The following FAM135A variants were observed in gnomAD, a reference collection of about 807,000 sequenced individuals.
The protein encoded by FAM135A is protein FAM135A.
A neutral mutation model predicts 146.8 loss-of-function variants in FAM135A; 79 were observed. That is an observed-to-expected ratio of 0.54 (90% CI 0.45 to 0.65). The LOEUF (loss-of-function observed/expected upper bound fraction) is 0.65. FAM135A is among the 30% of genes least tolerant of loss of function. FAM135A has a pLI of 0.00. For synonymous variants in FAM135A, 562 were observed against 603.6 expected (o/e 0.93, Z 1.01); for missense variants, 1,623 against 1,758.2 (o/e 0.92, Z 1.38).
intron 5 of FAM135A, among the ~76,000 whole-genome samples, chr6:70,469,688 T>C (rs1483940992): frequency 1.3e-5 from 2 of 152,088 alleles, no homozygotes; most frequent in Non-Finnish European, 2.9e-5. Context: ...CACTGCACTA[T>C]GCTGCTTCTT....
chr6:70,462,430 C>G (rs1326133836), intron 5 of FAM135A, among the ~76,000 whole-genome samples: 1 of 151,998 alleles, frequency 6.6e-6, no homozygotes, highest in Non-Finnish European at 1.5e-5. Flanking sequence ...TTCCATAAAG[C>G]ACAGTGCCCA....
chr6:70,490,829 TAAA>T (rs1476580484), intron 10 of FAM135A, among the ~76,000 whole-genome samples: 1 of 151,944 alleles, frequency 6.6e-6, no homozygotes, highest in African/African-American at 2.4e-5. Flanking sequence ...TTGTGAAAAA[TAAA>T]AAATGATATT....
At chr6:70,553,123 A>G (rs1800157416) in intron 20 of FAM135A, among the ~76,000 whole-genome samples, 2 of 152,168 alleles carry the variant, frequency 1.3e-5, no homozygotes, top group African/African-American at 4.8e-5. Context: ...GGAAGCCATT[A>G]TTAGATAAAC....
intron 4 of FAM135A, among the ~76,000 whole-genome samples, chr6:70,438,985 C>G (rs780565935): frequency 6.6e-6 from 1 of 152,034 alleles, no homozygotes; most frequent in Non-Finnish European, 1.5e-5. Flanking sequence ...TATAGTGAGG[C>G]CCTATCTACC....
chr6:70,553,765 T>A (rs1410494662), intron 20 of FAM135A, among the ~76,000 whole-genome samples: 1 of 152,066 alleles, frequency 6.6e-6, no homozygotes, highest in East Asian at 1.9e-4. Context: ...GAAAGAAACA[T>A]ATAAAATAAA....
intron 4 of FAM135A, among the ~76,000 whole-genome samples, chr6:70,448,380 A>G (rs1776289803): frequency 6.6e-6 from 1 of 152,184 alleles, no homozygotes; most frequent in Admixed American, 6.5e-5. Flanking sequence ...GGAACGAACC[A>G]GAGCCCACAC....
intron 12 of FAM135A, among the ~76,000 whole-genome samples, chr6:70,516,234 A>G (rs1792179101): frequency 6.6e-6 from 1 of 152,200 alleles, no homozygotes. Flanking sequence ...AATGAGGTCC[A>G]GACCTAGGGA....
At chr6:70,515,063 T>C (rs1791892910) in intron 12 of FAM135A, among the ~76,000 whole-genome samples, 1 of 152,104 alleles carries the variant, frequency 6.6e-6, no homozygotes, top group African/African-American at 2.4e-5. Context: ...CAAAACAAGA[T>C]AACCACCGTA....
chr6:70,554,696 C>T (rs1455627770), intron 20 of FAM135A, among the ~76,000 whole-genome samples: 1 of 152,002 alleles, frequency 6.6e-6, no homozygotes, highest in East Asian at 1.9e-4. Context: ...GGCACAATAT[C>T]AGCTCACTGC....
At chr6:70,543,092 C>T (rs1798231278) in intron 20 of FAM135A, among the ~76,000 whole-genome samples, 1 of 151,926 alleles carries the variant, frequency 6.6e-6, no homozygotes, top group Non-Finnish European at 1.5e-5. Flanking sequence ...TAGTGTACAC[C>T]GATTGAATTA....
At chr6:70,443,723 T>C (rs1246581445) in intron 4 of FAM135A, among the ~76,000 whole-genome samples, 1 of 152,246 alleles carries the variant, frequency 6.6e-6, no homozygotes, top group East Asian at 1.9e-4. Context: ...TGCATTTCTT[T>C]TTCTGTAAAC....
intron 11 of FAM135A, among the ~76,000 whole-genome samples, chr6:70,499,266 A>T (rs1378728957): frequency 6.6e-6 from 1 of 152,180 alleles, no homozygotes; most frequent in Non-Finnish European, 1.5e-5. Flanking sequence ...GTTGGTTTAC[A>T]GTCTGTTTTA....
intron 4 of FAM135A, among the ~76,000 whole-genome samples, chr6:70,439,028 T>C (rs1210145196): frequency 6.6e-6 from 1 of 151,970 alleles, no homozygotes; most frequent in Non-Finnish European, 1.5e-5. Context: ...AACAGCTAGC[T>C]GGACATGGTG....
At chr6:70,516,526 T>TTTTC (rs1302502932) in intron 12 of FAM135A, among the ~76,000 whole-genome samples, 2 of 145,318 alleles carry the variant, frequency 1.4e-5, no homozygotes, top group African/African-American at 5.3e-5. Flanking sequence ...TAGTATTTTC[T>TTTTC]TTTCTTTTTT....
At chr6:70,549,649 T>C (rs1375745385) in intron 20 of FAM135A, among the ~76,000 whole-genome samples, 1 of 152,338 alleles carries the variant, frequency 6.6e-6, no homozygotes, top group South Asian at 2.1e-4. Context: ...TAAAATACTT[T>C]ATTGTTAAAA....
At chr6:70,550,903 C>T (rs764703856) in intron 20 of FAM135A, among the ~76,000 whole-genome samples, 18 of 152,220 alleles carry the variant, frequency 1.2e-4, no homozygotes, top group Non-Finnish European at 2.5e-4. Flanking sequence ...CATAGCTTCT[C>T]CATCAGCACT....
intron 3 of FAM135A, among the ~76,000 whole-genome samples, chr6:70,428,065 G>T (rs940191528): frequency 6.6e-6 from 1 of 152,106 alleles, no homozygotes; most frequent in East Asian, 1.9e-4. Flanking sequence ...GTCATCAAGG[G>T]TAACAAATCT....
intron 5 of FAM135A, among the ~76,000 whole-genome samples, chr6:70,460,305 AT>A (rs1317796803): frequency 6.6e-6 from 1 of 152,134 alleles, no homozygotes; most frequent in Non-Finnish European, 1.5e-5. Flanking sequence ...TTAAAGCTCC[AT>A]TTTCTACTTC....
At position 70,525,512 on chromosome 6, in the gene FAM135A, A is replaced by C; in HGVS notation, c.2428A>C (p.Lys810Gln). Residue 810 changes from lysine to glutamine, a missense_variant, in exon 15 of 22, where the codon AAA becomes CAA. By Grantham distance (53) the Lys-to-Gln change is moderately conservative. Around this residue, in one of 7 missense-constraint regions of FAM135A, gnomAD observed 1,061 missense variants for 1,113.8 expected, o/e 0.95. Transcript: ENST00000418814. ...AAGATTATTTCCTCAGCTTTTGATG[A>C]AACCTGATTATAATGTAAAATTTTC... Reference protein sequence around the residue: ...SERLFPQLLMKPDYNVKFSLG... With the variant: ...SERLFPQLLMQPDYNVKFSLG... 6.2e-7 allele frequency: 1 copy of C among 1,612,440 alleles called. No homozygotes were observed. Among genetic ancestry groups the C allele is most frequent in the Non-Finnish European group, 8.5e-7 (1 of 1,179,336 alleles).
Sources: allele counts gnomAD v4.1 joint callset (sites outside exome capture counted in the v4.1 genomes callset), GRCh38; gene constraint gnomAD v4.1.1; regional missense constraint gnomAD v4.1.1; transcripts MANE v1.5; gene names NCBI Gene and HGNC (gene_info 2026-07-23, HGNC 2026-07-21).